Variants in ZDHHC9 observed in about 807,000 individuals in gnomAD.
ZDHHC9 encodes the protein zDHHC palmitoyltransferase 9, also known as palmitoyltransferase ZDHHC9.
In ZDHHC9, 3 loss-of-function variants were observed where a neutral mutation model predicts 26.6. That is an observed-to-expected ratio of 0.11 (90% confidence interval 0.05 to 0.29). The LOEUF (loss-of-function observed/expected upper bound fraction) is 0.29. Ranked by LOEUF, ZDHHC9 falls within the 10% of genes least tolerant of loss-of-function variation. The probability of loss-of-function intolerance (pLI) is 1.00; values close to 1 mark genes in which losing one functional copy is unlikely to be tolerated. For synonymous variants in ZDHHC9, 111 were observed against 109.4 expected (o/e 1.01, Z -0.09); for missense variants, 146 against 296.4 (o/e 0.49, Z 3.73).
chrX:129,815,640 T>A lies in ZDHHC9; in HGVS notation c.488-845A>T, dbSNP rs190110958. On this transcript the variant is annotated intron_variant, in intron 5 of 10. Coordinates refer to ENST00000357166, the MANE Select transcript of ZDHHC9 (RefSeq NM_016032.4). ...GATTATTACACATTGCATGCCTGTA[T>A]CAAAACTTCTCATGTACACCATAAA... 9.8e-3 allele frequency among the ~76,000 whole-genome samples: 1,096 copies of A among 111,500 alleles called. 5 individuals are homozygous for A. The highest frequency in any genetic ancestry group is 0.015 in the Non-Finnish European group (820 of 53,125).
At chrX:129,827,062 C>T (rs779106048) in intron 4 of ZDHHC9, among the ~76,000 whole-genome samples, 99 of 109,371 alleles carry the variant, frequency 9.1e-4, no homozygotes, top group African/African-American at 3.1e-3. Flanking sequence ...GGAGTGGTGG[C>T]GGGTGCCCAT....
chrX:129,841,469 T>C (rs1325206605), intron 3 of ZDHHC9, among the ~76,000 whole-genome samples: 2 of 112,055 alleles, frequency 1.8e-5, no homozygotes, highest in Admixed American at 9.4e-5. Context: ...AGGCCATCTG[T>C]CATTTAGCTT....
Position 129,814,804 on chromosome X carries a change from G to T in ZDHHC9, c.488-9C>A, listed in dbSNP as rs113127450. 2 of 1,210,631 alleles carry T rather than the reference G, an allele frequency of 1.7e-6. No homozygotes were observed. The highest frequency in any genetic ancestry group is 1.7e-5 in the African/African-American group (1 of 57,696). Reference sequence around the variant, plus strand: ...GTGATGGTCGAAGCGCTCTGTGGGAGAAAGAGAGAGTCCAAAGCCAAAAGC... The same window carrying T: ...GTGATGGTCGAAGCGCTCTGTGGGATAAAGAGAGAGTCCAAAGCCAAAAGC... On this transcript the variant is annotated splice_polypyrimidine_tract_variant and intron_variant, in intron 5 of 10. Transcript: ENST00000357166.
At chrX:129,813,178 C>T (rs1927682721) in intron 7 of ZDHHC9, among the ~76,000 whole-genome samples, 1 of 111,896 alleles carries the variant, frequency 8.9e-6, no homozygotes, top group African/African-American at 3.3e-5. Context: ...GTGGGCGGAT[C>T]ACAAGGTCAG....
intron 3 of ZDHHC9, among the ~76,000 whole-genome samples, chrX:129,832,644 G>A (rs906379150): frequency 2.2e-4 from 24 of 110,664 alleles, no homozygotes; most frequent in Non-Finnish European, 4.3e-4. Context: ...TTAGCCAGGC[G>A]TGGTGGTGGG....
intron 8 of ZDHHC9, 59 bp from the exon 9 acceptor site, chrX:129,811,568 T>G: frequency 1.1e-6 from 1 of 889,011 alleles, no homozygotes; most frequent in South Asian, 2.3e-5. Flanking sequence ...CAAATAATAA[T>G]AATAAAATTA....
intron 10 of ZDHHC9, among the ~76,000 whole-genome samples, chrX:129,809,859 G>A (rs148986179): frequency 0.06 from 6,602 of 109,538 alleles, 505 homozygotes; most frequent in African/African-American, 0.21. Context: ...TTAGCTGGGC[G>A]TGGTGGCACA....
chrX:129,820,811 T>C (rs1014010220), intron 5 of ZDHHC9, among the ~76,000 whole-genome samples: 10 of 111,672 alleles, frequency 9.0e-5, no homozygotes, highest in African/African-American at 2.9e-4. Flanking sequence ...ATGTGCAGGA[T>C]GTGCAGGTTT....
At position 129,841,862 on chromosome X, in the gene ZDHHC9, G is replaced by A. The variant is rs959475974; in HGVS notation, c.84C>T (p.Arg28=). ...PGRNTFCCDG[R]VMMARQKGIF... ...TGCCCTTTTGCCGGGCCATCATGAC[G>A]CGGCCATCACAGCAAAAGGTGTTCC... Residue 28 remains arginine, a synonymous_variant, in exon 3 of 11, where the codon CGC becomes CGT. Coordinates refer to ENST00000357166, the MANE Select transcript of ZDHHC9 (RefSeq NM_016032.4). The A allele has an allele frequency of 1.7e-6, 2 of 1,211,669 alleles. No homozygotes were observed. The highest frequency in any genetic ancestry group is 2.2e-6 in the Non-Finnish European group (2 of 895,430).
intron 4 of ZDHHC9, among the ~76,000 whole-genome samples, chrX:129,825,329 ACAGT>A (rs748587925): frequency 6.5e-4 from 73 of 111,652 alleles, no homozygotes; most frequent in African/African-American, 9.8e-4. Flanking sequence ...AAAATCACTG[ACAGT>A]CAGTCTCTCA....
chrX:129,806,389 G>C lies in ZDHHC9; in HGVS notation c.1076C>G (p.Ala359Gly), dbSNP rs1352969544. 1.7e-6 allele frequency: 2 copies of C among 1,210,923 alleles called. No homozygotes were observed. Among genetic ancestry groups the C allele is most frequent in the Non-Finnish European group, 2.2e-6 (2 of 894,691 alleles). The change falls in exon 11 of 11, where the codon GCA becomes GGA. Residue 359 changes from alanine to glycine, a missense_variant. Physicochemically the swap from Ala to Gly is moderately conservative, Grantham distance 60. This residue lies in a region of ZDHHC9 where 46 missense variants were observed against 46.4 expected (regional missense o/e 0.99). Transcript: ENST00000357166. ...GATAGGCTACTTCTCAGCTTCAGCTGCCTCCTGTGGTGGCTCTGGGGGCTC... is the reference window on the plus strand; with the variant it reads ...GATAGGCTACTTCTCAGCTTCAGCTCCCTCCTGTGGTGGCTCTGGGGGCTC... ...PPEPPEPPQE[A>G]AEAEK
At chrX:129,814,850 C>G in intron 5 of ZDHHC9, 55 bp from the exon 6 acceptor site, 1 of 1,177,341 alleles carries the variant, frequency 8.5e-7, no homozygotes, top group Non-Finnish European at 1.2e-6. Flanking sequence ...AAAATCAACC[C>G]CACCATCCCT....
intron 5 of ZDHHC9, among the ~76,000 whole-genome samples, chrX:129,816,600 T>C (rs192027790): frequency 8.9e-6 from 1 of 111,869 alleles, no homozygotes; most frequent in Admixed American, 9.5e-5. Context: ...TCACCAATAA[T>C]TCATTGTAAT....
intron 10 of ZDHHC9, among the ~76,000 whole-genome samples, chrX:129,808,301 T>C (rs1456535929): frequency 8.9e-6 from 1 of 112,101 alleles, no homozygotes; most frequent in Non-Finnish European, 1.9e-5. Flanking sequence ...AGGACTCACA[T>C]TTCCTGATTT....
At chrX:129,810,241 C>CA (rs1284072513) in intron 10 of ZDHHC9, among the ~76,000 whole-genome samples, 5 of 104,303 alleles carry the variant, frequency 4.8e-5, no homozygotes. Context: ...CCCAGCTACT[C>CA]GGAGGCTGAG....
chrX:129,826,303 G>A (rs948676873), intron 4 of ZDHHC9, among the ~76,000 whole-genome samples: 4 of 111,042 alleles, frequency 3.6e-5, no homozygotes, highest in African/African-American at 3.3e-5. Flanking sequence ...TCAGGAGGCC[G>A]TATCAGGCAA....
At chrX:129,841,628 G>A (rs1400251520) in intron 3 of ZDHHC9, 151 bp downstream of exon 3, 11 of 685,351 alleles carry the variant, frequency 1.6e-5, no homozygotes, top group South Asian at 1.1e-4. Flanking sequence ...TGATGACCAC[G>A]AAGCAATGAA....
At chrX:129,806,610 C>CAT in intron 10 of ZDHHC9, 124 bp from the exon 11 acceptor site, 1 of 549,535 alleles carries the variant, frequency 1.8e-6, no homozygotes. Context: ...AGATATGCAG[C>CAT]CACCAACACC....
chrX:129,824,891 C>T (rs181798103), intron 4 of ZDHHC9, among the ~76,000 whole-genome samples: 18 of 112,126 alleles, frequency 1.6e-4, no homozygotes, highest in African/African-American at 5.2e-4. Context: ...AAAAGCAATA[C>T]GCATAAAACA....
Sources: allele counts gnomAD v4.1 joint callset (sites outside exome capture counted in the v4.1 genomes callset), GRCh38; gene constraint gnomAD v4.1.1; regional missense constraint gnomAD v4.1.1; transcripts MANE v1.5; gene names NCBI Gene and HGNC (gene_info 2026-07-23, HGNC 2026-07-21).